The following TMEM132C variants were observed in gnomAD, a reference collection of about 807,000 sequenced individuals.
TMEM132C encodes the protein transmembrane protein 132C.
In TMEM132C, 29 loss-of-function variants were observed where a neutral mutation model predicts 61.4. The observed-to-expected ratio is 0.47, with a 90% CI of 0.35 to 0.64. TMEM132C has a LOEUF of 0.64. TMEM132C is among the 30% of genes least tolerant of loss of function. The pLI is 0.00. For missense variants in TMEM132C, 1,408 were observed against 1,476.9 expected (o/e 0.95, Z 0.76); for synonymous variants, 656 against 633.1 (o/e 1.04, Z -0.54).
rs1870766891 is a variant in TMEM132C at position 128,278,538 on chromosome 12, A to T, written c.85+11051A>T. Among the ~76,000 whole-genome samples, 1 of 151,870 alleles carries T rather than the reference A, an allele frequency of 6.6e-6. No homozygotes were observed. On this transcript the variant is annotated intron_variant, in intron 1 of 8. Coordinates refer to ENST00000435159, the MANE Select transcript of TMEM132C (RefSeq NM_001136103.3). This position sits in a 1 kb window ranked among gnomAD's most constrained non-coding sequence, Gnocchi z 4.2. ...TCTCCCTGCGGCACCGATGCCATGG[A>T]GGTGACAGCTGGCAGTGGTTTGACT...
chr12:128,536,393 G>A (rs932255650), intron 2 of TMEM132C, among the ~76,000 whole-genome samples: 1 of 152,128 alleles, frequency 6.6e-6, no homozygotes, highest in Non-Finnish European at 1.5e-5. Context: ...GCCTGTCATG[G>A]GGTGGGGGGC....
At chr12:128,518,684 A>G (rs1260304494) in intron 2 of TMEM132C, among the ~76,000 whole-genome samples, 1 of 152,078 alleles carries the variant, frequency 6.6e-6, no homozygotes, top group African/African-American at 2.4e-5. Flanking sequence ...TAAACCGCCT[A>G]CCCTATCCCC....
rs746560121 is a variant in TMEM132C, at chr12:128,310,774, C to T, written c.85+43287C>T. ...ATGGAGAGAAGTTGATTAATGGGTA[C>T]GAGCATATGGTGGGATAGAGAAAAT... On this transcript the variant is annotated intron_variant, in intron 1 of 8. Transcript: ENST00000435159. 2.0e-5 allele frequency among the ~76,000 whole-genome samples: 3 copies of T among 152,072 alleles called. No individual in the cohort carries two copies. The East Asian group carries it at 5.8e-4, about 29-fold the overall frequency.
chr12:128,526,191 A>G (rs1168993444), intron 2 of TMEM132C, among the ~76,000 whole-genome samples: 1 of 152,224 alleles, frequency 6.6e-6, no homozygotes, highest in African/African-American at 2.4e-5. Flanking sequence ...AAAGAAGGCA[A>G]AGTCCTTTGT....
At chr12:128,389,297 C>CA (rs1407861870) in intron 1 of TMEM132C, among the ~76,000 whole-genome samples, 1 of 151,980 alleles carries the variant, frequency 6.6e-6, no homozygotes, top group East Asian at 1.9e-4. Flanking sequence ...AAGAAAACAG[C>CA]AAAAAACAAA....
chr12:128,307,188 C>T lies in TMEM132C; in HGVS notation c.85+39701C>T, dbSNP rs147143156. Among the ~76,000 whole-genome samples, 58 of 152,202 alleles carry T rather than the reference C, an allele frequency of 3.8e-4. 1 individual carries two copies. In the East Asian group the frequency reaches 0.01, roughly 26 times the overall value. ...GGCAAGGAGCTTCTAGAAACCTTAT[C>T]GCCTGGTTTCATAGACTTACCCTCC... On this transcript the variant is annotated intron_variant, in intron 1 of 8. Coordinates refer to ENST00000435159, the MANE Select transcript of TMEM132C (RefSeq NM_001136103.3).
Position 128,630,574 on chromosome 12 carries a change from C to T in TMEM132C, c.1305+14239C>T, listed in dbSNP as rs892559242. ...TTTGCAGTCTCATCTCTGCCAGACA[C>T]GATGCTATCTGTGCAGTCAGCCTCT... On this transcript the variant is annotated intron_variant, in intron 4 of 8. Transcript: ENST00000435159. This position sits in a 1 kb window ranked among gnomAD's most constrained non-coding sequence, Gnocchi z 4.3. Among the ~76,000 whole-genome samples the T allele has an allele frequency of 1.3e-5, 2 of 152,140 alleles. No homozygotes were observed. The highest frequency in any genetic ancestry group is 2.1e-4 in the South Asian group (1 of 4,832).
intron 3 of TMEM132C, among the ~76,000 whole-genome samples, chr12:128,580,336 G>T (rs11611308): frequency 0.33 from 50,810 of 152,044 alleles, 10,406 homozygotes; most frequent in South Asian, 0.47. Flanking sequence ...CAGGAGAATG[G>T]CATGAACCTG....
chr12:128,471,555 G>T (rs759859738), intron 2 of TMEM132C, among the ~76,000 whole-genome samples: 2 of 152,226 alleles, frequency 1.3e-5, no homozygotes, highest in African/African-American at 4.8e-5. Flanking sequence ...AGTTATCTTT[G>T]CTAAAGGGGA....
At chr12:128,687,201 CAAAAAAA>C (rs55934804) in intron 5 of TMEM132C, among the ~76,000 whole-genome samples, 1 of 114,468 alleles carries the variant, frequency 8.7e-6, no homozygotes, top group Admixed American at 9.6e-5. Context: ...GACTCTGTCT[CAAAAAAA>C]AAAAAAAAAA....
At chr12:128,292,774 A>G (rs569499617) in intron 1 of TMEM132C, among the ~76,000 whole-genome samples, 53 of 152,318 alleles carry the variant, frequency 3.5e-4, no homozygotes, top group Non-Finnish European at 6.9e-4. Flanking sequence ...GAGGCACTTC[A>G]TAAGTGTCTG....
chr12:128,584,186 G>T (rs1875454937), intron 3 of TMEM132C, among the ~76,000 whole-genome samples: 1 of 152,216 alleles, frequency 6.6e-6, no homozygotes, highest in South Asian at 2.1e-4. Context: ...CTCTGCCCCA[G>T]CTGGAGAACA....
intron 1 of TMEM132C, among the ~76,000 whole-genome samples, chr12:128,394,036 G>T (rs1874856325): frequency 6.6e-6 from 1 of 152,164 alleles, no homozygotes; most frequent in Admixed American, 6.5e-5. Context: ...ATTTACAAAA[G>T]AAAGCAGTTT....
intron 2 of TMEM132C, among the ~76,000 whole-genome samples, chr12:128,541,813 A>G (rs1459706039): frequency 6.6e-6 from 1 of 152,096 alleles, no homozygotes; most frequent in Admixed American, 6.6e-5. Context: ...TTTTGGTCTT[A>G]GGATGGTATC....
At chr12:128,637,268 A>C (rs930603460) in intron 4 of TMEM132C, among the ~76,000 whole-genome samples, 4 of 152,232 alleles carry the variant, frequency 2.6e-5, no homozygotes, top group Non-Finnish European at 5.9e-5. Context: ...AACATTGTGG[A>C]GTGTTCACCA....
intron 1 of TMEM132C, among the ~76,000 whole-genome samples, chr12:128,373,858 G>T (rs540882479): frequency 2.7e-4 from 41 of 152,282 alleles, no homozygotes; most frequent in African/African-American, 9.9e-4. Flanking sequence ...AGATGCAGGG[G>T]CAAGGCCAGA....
intron 2 of TMEM132C, among the ~76,000 whole-genome samples, chr12:128,484,228 GTTGCTT>G (rs2136093848): frequency 6.6e-6 from 1 of 152,320 alleles, no homozygotes; most frequent in South Asian, 2.1e-4. Flanking sequence ...GACATTCTAA[GTTGCTT>G]TCATCTTGAA....
chr12:128,407,034 C>T (rs1171431117), intron 1 of TMEM132C, among the ~76,000 whole-genome samples: 1 of 152,228 alleles, frequency 6.6e-6, no homozygotes, highest in African/African-American at 2.4e-5. Context: ...TTTAAAAACA[C>T]ACCTAGAACA....
At chr12:128,614,790 A>G (rs1471581504) in intron 3 of TMEM132C, among the ~76,000 whole-genome samples, 5 of 152,226 alleles carry the variant, frequency 3.3e-5, no homozygotes, top group African/African-American at 1.2e-4. Context: ...ATTAAAGGAT[A>G]CTAGGCAATT....
Sources: allele counts gnomAD v4.1 joint callset (sites outside exome capture counted in the v4.1 genomes callset), GRCh38; gene constraint gnomAD v4.1.1; non-coding constraint Gnocchi (gnomAD v3.1); transcripts MANE v1.5; gene names NCBI Gene and HGNC (gene_info 2026-07-23, HGNC 2026-07-21).